The following TACC1 variants were observed in gnomAD, a reference collection of about 807,000 sequenced individuals.
TACC1 encodes transforming acidic coiled-coil-containing protein 1.
TACC1 carries 48 observed loss-of-function variants against 84.4 expected under a neutral mutation model. The ratio of observed to expected loss-of-function variants is 0.57; its 90% CI spans 0.45 to 0.72. The LOEUF (loss-of-function observed/expected upper bound fraction) is 0.72. Ranked by LOEUF, TACC1 falls within the 30% of genes least tolerant of loss-of-function variation. The probability of loss-of-function intolerance (pLI) is 0.00; values close to 1 mark genes in which losing one functional copy is unlikely to be tolerated. For synonymous variants in TACC1, 372 were observed against 376.3 expected (o/e 0.99, Z 0.13); for missense variants, 920 against 973.0 (o/e 0.95, Z 0.72).
chr8:38,813,351 A>G (rs2152138196), intron 2 of TACC1, among the ~76,000 whole-genome samples: 1 of 152,332 alleles, frequency 6.6e-6, no homozygotes, highest in South Asian at 2.1e-4. Flanking sequence ...CATATGGTTT[A>G]GCACCCAGGC....
chr8:38,745,905 G>A (rs926358795), intron 3 of TACC1, among the ~76,000 whole-genome samples: 3 of 152,200 alleles, frequency 2.0e-5, no homozygotes, highest in Non-Finnish European at 4.4e-5. Flanking sequence ...GAGTGTAGTG[G>A]TGCGATCCCA....
intron 2 of TACC1, among the ~76,000 whole-genome samples, chr8:38,743,176 G>A (rs916055976): frequency 6.6e-6 from 1 of 152,134 alleles, no homozygotes; most frequent in Non-Finnish European, 1.5e-5. Context: ...AGATTTGCAA[G>A]ACGTTCATCC....
At chr8:38,752,578 C>T (rs7816768) in intron 3 of TACC1, among the ~76,000 whole-genome samples, 65,593 of 151,954 alleles carry the variant, frequency 0.43, 14,824 homozygotes, top group African/African-American at 0.57. Context: ...ACCTTAACCA[C>T]GGACATGAAA....
chr8:38,744,602 A>T (rs552535975), intron 2 of TACC1, among the ~76,000 whole-genome samples: 1 of 152,306 alleles, frequency 6.6e-6, no homozygotes, highest in African/African-American at 2.4e-5. Context: ...ACTAGGAAAT[A>T]GTAGCTTCTG....
chr8:38,767,793 A>G (rs1222744858), intron 3 of TACC1, among the ~76,000 whole-genome samples: 1 of 152,180 alleles, frequency 6.6e-6, no homozygotes, highest in African/African-American at 2.4e-5. Flanking sequence ...GGCCGGGCAC[A>G]GTGGCTCACG....
intron 3 of TACC1, among the ~76,000 whole-genome samples, chr8:38,825,098 C>T (rs1199807985): frequency 6.6e-6 from 1 of 152,060 alleles, no homozygotes; most frequent in African/African-American, 2.4e-5. Flanking sequence ...AGAATGAGCC[C>T]CGCTTGTAGG....
At chr8:38,777,727 C>T (rs1016699558) in intron 3 of TACC1, among the ~76,000 whole-genome samples, 4 of 152,050 alleles carry the variant, frequency 2.6e-5, no homozygotes, top group Non-Finnish European at 4.4e-5. Flanking sequence ...CCCAGGAGCT[C>T]GAGGCTATAG....
intron 3 of TACC1, among the ~76,000 whole-genome samples, chr8:38,750,055 C>G (rs1007462188): frequency 6.6e-6 from 1 of 152,066 alleles, no homozygotes; most frequent in Non-Finnish European, 1.5e-5. Context: ...GTCTTTTAGT[C>G]CTAGCCACTC....
chr8:38,757,523 G>T (rs901735642), intron 3 of TACC1: 3 of 1,093,632 alleles, frequency 2.7e-6, no homozygotes, highest in Non-Finnish European at 3.4e-6. Flanking sequence ...TCCCGCTGGC[G>T]GCAGCGGGGC....
At chr8:38,841,729 G>C (rs1265992228) in intron 9 of TACC1, among the ~76,000 whole-genome samples, 1 of 152,104 alleles carries the variant, frequency 6.6e-6, no homozygotes, top group Non-Finnish European at 1.5e-5. Flanking sequence ...CTGTGTTTTG[G>C]TGCAGGGTTC....
intron 3 of TACC1, among the ~76,000 whole-genome samples, chr8:38,767,779 T>C (rs944785236): frequency 6.6e-6 from 1 of 152,082 alleles, no homozygotes; most frequent in Non-Finnish European, 1.5e-5. Flanking sequence ...GAAAATAGAT[T>C]AGGGGCCGGG....
chr8:38,754,742 ATTGT>A (rs1411262291), intron 3 of TACC1, among the ~76,000 whole-genome samples: 4 of 152,206 alleles, frequency 2.6e-5, no homozygotes, highest in African/African-American at 9.6e-5. Flanking sequence ...ACTTTTACTA[ATTGT>A]TTATTTTCCC....
exon 2 of TACC1, chr8:38,742,442 A>G (rs1023154466): frequency 3.3e-6 from 5 of 1,529,930 alleles, no homozygotes; most frequent in Non-Finnish European, 4.4e-6. Context: ...GCAAAGACAA[A>G]CCATCAAAGG....
intron 1 of TACC1, 124 bp downstream of exon 1, chr8:38,787,867 GC>G (rs1201881474): frequency 9.3e-6 from 9 of 972,590 alleles, no homozygotes; most frequent in Non-Finnish European, 1.1e-5. Flanking sequence ...CCGCGTCCCT[GC>G]CCGGAGCCGG....
At chr8:38,798,606 C>CGTGTGTGTGT (rs10631964) in intron 2 of TACC1, among the ~76,000 whole-genome samples, 10,464 of 143,362 alleles carry the variant, frequency 0.073, 462 homozygotes, top group East Asian at 0.15. Flanking sequence ...CTGGGTTCTG[C>CGTGTGTGTGT]GTGTGTGTGT....
At chr8:38,787,770 T>A (rs1437887951) in intron 1 of TACC1, 27 bp downstream of exon 1, 1 of 1,493,752 alleles carries the variant, frequency 6.7e-7, no homozygotes, top group Non-Finnish European at 8.9e-7. Context: ...CCCGCTGAGA[T>A]GCAGACGCGC....
chr8:38,731,045 A>G (rs1467902416), intron 1 of TACC1, among the ~76,000 whole-genome samples: 1 of 152,070 alleles, frequency 6.6e-6, no homozygotes, highest in Non-Finnish European at 1.5e-5. Context: ...CTCCCACCTG[A>G]GCCTCCCCAG....
At chr8:38,794,131 C>G (rs192611064) in intron 2 of TACC1, among the ~76,000 whole-genome samples, 3 of 152,108 alleles carry the variant, frequency 2.0e-5, no homozygotes, top group Admixed American at 2.0e-4. Flanking sequence ...TGTAATTGGT[C>G]TGCAATGAAC....
chr8:38,799,442 T>C (rs1820823505), intron 2 of TACC1, among the ~76,000 whole-genome samples: 1 of 152,188 alleles, frequency 6.6e-6, no homozygotes, highest in Non-Finnish European at 1.5e-5. Context: ...GCTCCGAGTC[T>C]GGAGGGAGCT....
Sources: gnomAD v4.1 joint callset for allele counts (sites outside exome capture counted in the v4.1 genomes callset) on GRCh38, gnomAD v4.1.1 for gene constraint, MANE v1.5 for transcripts, NCBI Gene and HGNC (gene_info 2026-07-23, HGNC 2026-07-21) for gene names.